Variants in PEAR1 observed in about 807,000 individuals in gnomAD.
PEAR1 encodes multiple EGF-like domains protein 12.
PEAR1 carries 113 observed loss-of-function variants against 131.2 expected under a neutral mutation model. That is an observed-to-expected ratio of 0.86 (90% CI 0.74 to 1.01). The LOEUF is 1.01. Among genes scored for constraint, PEAR1 ranks in the 50% least tolerant of loss-of-function variants. The pLI is 0.00. For synonymous variants in PEAR1, 565 were observed against 523.3 expected (o/e 1.08, Z -1.09); for missense variants, 1,408 against 1,391.1 (o/e 1.01, Z -0.19).
Position 156,910,293 on chromosome 1 carries a change from T to A in PEAR1, c.1738T>A (p.Cys580Ser). Residue 580 changes from cysteine (C) to serine (S), a missense_variant, in exon 14 of 23, where the codon TGC (cysteine) becomes AGC (serine). Transcript: ENST00000292357. ...GLWGVNCSNT[C>S]TCKNGGTCLP... ...ATGGGGAGTCAACTGTAGCAACACC[T>A]GCACCTGCAAGAATGGGGGCACCTG... 6.2e-7 allele frequency: 1 copy of A among 1,613,604 alleles called. No individual in the cohort carries two copies. Among genetic ancestry groups the A allele is most frequent in the Non-Finnish European group, 8.5e-7 (1 of 1,179,756 alleles).
intron 1 of PEAR1, among the ~76,000 whole-genome samples, chr1:156,897,227 G>C (rs908356467): frequency 1.3e-5 from 2 of 152,188 alleles, no homozygotes; most frequent in African/African-American, 4.8e-5. Flanking sequence ...TCCCTGGGGA[G>C]CTCCAGTCCA....
Position 156,913,408 on chromosome 1 carries a change from T to G in PEAR1, c.2529T>G (p.Phe843Leu), listed in dbSNP as rs1343666691. ...CCTCTTAGGTTCCAGGCCCGCTCTT[T>G]GCCAGCCTGCAGAACCCTGAGCGGC... ...PPPNKVPGPL[F>L]ASLQNPERPG... Residue 843 changes from phenylalanine to leucine, a missense_variant, in exon 20 of 23, where the codon TTT becomes TTG. By Grantham distance (22) the Phe-to-Leu change is conservative. Transcript: ENST00000292357. The G allele has an allele frequency of 6.2e-7, 1 of 1,613,678 alleles. No homozygotes were observed. The highest frequency in any genetic ancestry group is 8.5e-7 in the Non-Finnish European group (1 of 1,179,986).
At chr1:156,913,314 G>A (rs1452355283) in intron 19 of PEAR1, 32 bp downstream of exon 19, 1 of 1,598,000 alleles carries the variant, frequency 6.3e-7, no homozygotes, top group Non-Finnish European at 8.5e-7. Context: ...GCACTGTGGA[G>A]GGAAGCGCAC....
rs770802936 is a variant in PEAR1, at chr1:156,910,099, G to C, written c.1669G>C (p.Gly557Arg). ...TCATGGACGCTGTCAGTGCCAGGCT[G>C]GCTGGATGGGTGAGCATTCTGGGGC... is the stretch of plus-strand genomic sequence containing the variant. Reference protein sequence around the residue: ...PVHGRCQCQAGWMGARCHLSC... With the variant: ...PVHGRCQCQARWMGARCHLSC... Residue 557 changes from glycine (G) to arginine (R), a missense_variant, in exon 13 of 23, where the codon GGC becomes CGC. Physicochemically the swap from Gly to Arg is moderately radical, Grantham distance 125. Transcript: ENST00000292357. 13 of 1,614,148 alleles carry C rather than the reference G, an allele frequency of 8.1e-6. No individual in the cohort carries two copies. The highest frequency in any genetic ancestry group is 3.3e-5 in the Admixed American group (2 of 60,030).
In PEAR1 at chr1:156,905,225, G is replaced by A. The variant is rs74116910; in HGVS notation, c.207-99G>A. The A allele has an allele frequency of 5.1e-4, 660 of 1,291,878 alleles. No individual in the cohort carries two copies. The African/African-American group carries it at 8.1e-3, about 16-fold the overall frequency. 80.0% of individuals were successfully genotyped at this position (1,291,878 alleles called of 1,614,324 possible). On this transcript the variant is annotated intron_variant, in intron 3 of 22. Transcript: ENST00000292357. ...GCGCTTTCTATGCGCCCTCAGCCCAGAGTGTTGAGTGGTGCCCCTTCCCTG... is the reference window on the plus strand; with the variant it reads ...GCGCTTTCTATGCGCCCTCAGCCCAAAGTGTTGAGTGGTGCCCCTTCCCTG...
At chr1:156,913,331 G>GC (rs1305083400) in intron 19 of PEAR1, 49 bp downstream of exon 19, 8 of 1,600,598 alleles carry the variant, frequency 5.0e-6, no homozygotes, top group Non-Finnish European at 6.0e-6. Flanking sequence ...GCACAGACCA[G>GC]CTTCTCTGGA....
chr1:156,913,035 A>G, intron 18 of PEAR1, 53 bp downstream of exon 18: 1 of 1,603,148 alleles, frequency 6.2e-7, no homozygotes, highest in Non-Finnish European at 8.5e-7. Context: ...CATAGGCACA[A>G]GAGTGGATGC....
At chr1:156,910,155 C>CCATCTGGACA in intron 13 of PEAR1, 47 bp downstream of exon 13, 13 of 1,613,808 alleles carry the variant, frequency 8.1e-6, no homozygotes, top group Non-Finnish European at 1.1e-5. Context: ...GGGGATGCAT[C>CCATCTGGACA]CATAGGAAAT....
At position 156,910,305 on chromosome 1, in the gene PEAR1, A is replaced by C; in HGVS notation, c.1750A>C (p.Asn584His). Residue 584 changes from asparagine (N) to histidine (H), a missense_variant, in exon 14 of 23, where the codon AAT (asparagine) becomes CAT (histidine). Asn to His is a moderately conservative substitution (Grantham distance 68). Transcript: ENST00000292357. ...CTGTAGCAACACCTGCACCTGCAAG[A>C]ATGGGGGCACCTGTCTCCCTGAGAA... ...VNCSNTCTCK[N>H]GGTCLPENGN... 6.2e-7 allele frequency: 1 copy of C among 1,613,512 alleles called. No individual in the cohort carries two copies.
In PEAR1 at chr1:156,903,996, A is replaced by G; in HGVS notation, c.70A>G (p.Ser24Gly). 6.2e-7 allele frequency: 1 copy of G among 1,614,000 alleles called. No homozygotes were observed. The highest frequency in any genetic ancestry group is 8.5e-7 in the Non-Finnish European group (1 of 1,179,966). Residue 24 changes from serine to glycine, a missense_variant, in exon 2 of 23, where the codon AGT becomes GGT. Coordinates refer to ENST00000292357, the MANE Select transcript of PEAR1 (RefSeq NM_001080471.3). ...GCGGCTGGCTGGAACTCTCAACCCC[A>G]GTGATCCCAATACCTGCAGCTTCTG... is the stretch of plus-strand genomic sequence containing the variant. ...GLRLAGTLNP[S>G]DPNTCSFWES...
Position 156,904,005 on chromosome 1 carries a change from A to G in PEAR1, c.79A>G (p.Asn27Asp). 1 of 1,613,948 alleles carries G rather than the reference A, an allele frequency of 6.2e-7. No homozygotes were observed. The highest frequency in any genetic ancestry group is 8.5e-7 in the Non-Finnish European group (1 of 1,179,920). ...TGGAACTCTCAACCCCAGTGATCCCAATACCTGCAGCTTCTGGGAAAGGTG... is the reference window on the plus strand; with the variant it reads ...TGGAACTCTCAACCCCAGTGATCCCGATACCTGCAGCTTCTGGGAAAGGTG... ...LAGTLNPSDP[N>D]TCSFWESFTT... The change falls in exon 2 of 23, where the codon AAT becomes GAT. Residue 27 changes from asparagine (N) to aspartate (D), a missense_variant. Physicochemically the swap from Asn to Asp is conservative, Grantham distance 23 (BLOSUM62 1). Transcript: ENST00000292357.
chr1:156,913,764 T>C lies in PEAR1; in HGVS notation c.2713+4T>C. 1 of 1,613,808 alleles carries C rather than the reference T, an allele frequency of 6.2e-7. No individual in the cohort carries two copies. Among genetic ancestry groups the C allele is most frequent in the Non-Finnish European group, 8.5e-7 (1 of 1,179,844 alleles). On this transcript the variant is annotated splice_donor_region_variant and intron_variant, in intron 21 of 22. Coordinates refer to ENST00000292357, the MANE Select transcript of PEAR1 (RefSeq NM_001080471.3). ...CCAGGCCCATTCTACAATAAAGGTATGGGCACAGGGGCAACAAGGGAGGTG... is the reference window on the plus strand; with the variant it reads ...CCAGGCCCATTCTACAATAAAGGTACGGGCACAGGGGCAACAAGGGAGGTG...
chr1:156,908,306 G>A lies in PEAR1; in HGVS notation c.1081G>A (p.Ala361Thr), dbSNP rs1650611546. ...PDGFYGLSCQ[A>T]PCTCDREHSL... is the part of the protein sequence containing the mutation. Reference sequence around the variant, plus strand: ...CGGCTTCTACGGTCTCAGCTGCCAGGCCCCCTGCACCTGCGACCGGGAGCA... The same window carrying A: ...CGGCTTCTACGGTCTCAGCTGCCAGACCCCCTGCACCTGCGACCGGGAGCA... Residue 361 changes from alanine (A) to threonine (T), a missense_variant, in exon 9 of 23, where the codon GCC becomes ACC. By Grantham distance (58) the Ala-to-Thr change is moderately conservative (BLOSUM62 0). Coordinates refer to ENST00000292357, the MANE Select transcript of PEAR1 (RefSeq NM_001080471.3). This position sits in a 1 kb window ranked among gnomAD's most constrained non-coding sequence, Gnocchi z 4.2. 1 of 1,565,002 alleles carries A rather than the reference G, an allele frequency of 6.4e-7. No homozygotes were observed.
chr1:156,895,104 C>A (rs1237216775), intron 1 of PEAR1, among the ~76,000 whole-genome samples: 1 of 152,212 alleles, frequency 6.6e-6, no homozygotes, highest in Non-Finnish European at 1.5e-5. Flanking sequence ...GGTGGGGCTG[C>A]CATCTCTAGG....
At chr1:156,898,651 G>A (rs1447823769) in intron 1 of PEAR1, among the ~76,000 whole-genome samples, 1 of 152,168 alleles carries the variant, frequency 6.6e-6, no homozygotes, top group East Asian at 1.9e-4. Context: ...GCAAAGATAG[G>A]TTAGAAAAGG....
chr1:156,909,265 G>A (rs1650760020), intron 11 of PEAR1, among the ~76,000 whole-genome samples: 1 of 152,182 alleles, frequency 6.6e-6, no homozygotes, highest in South Asian at 2.1e-4. Flanking sequence ...GAGGCCAAAA[G>A]CCACCTCACT....
At chr1:156,910,818 C>T (rs1650985158) in intron 15 of PEAR1, 75 bp downstream of exon 15, 5 of 1,584,462 alleles carry the variant, frequency 3.2e-6, no homozygotes, top group Non-Finnish European at 4.3e-6. Context: ...TCTCTGTCCC[C>T]CAGCTCCTGG....
At chr1:156,897,487 G>C (rs1361229795) in intron 1 of PEAR1, among the ~76,000 whole-genome samples, 1 of 152,220 alleles carries the variant, frequency 6.6e-6, no homozygotes, top group Admixed American at 6.5e-5. Flanking sequence ...GGTGAGTTCC[G>C]CTTGCTTCCA....
At chr1:156,896,731 G>A (rs536571457) in intron 1 of PEAR1, among the ~76,000 whole-genome samples, 113 of 152,318 alleles carry the variant, frequency 7.4e-4, no homozygotes, top group Admixed American at 1.8e-3. Flanking sequence ...GCCCTGGATG[G>A]GGAGGCACAG....
Sources: allele counts gnomAD v4.1 joint callset (sites outside exome capture counted in the v4.1 genomes callset), GRCh38; gene constraint gnomAD v4.1.1; non-coding constraint Gnocchi (gnomAD v3.1); transcripts MANE v1.5; gene names NCBI Gene and HGNC (gene_info 2026-07-23, HGNC 2026-07-21).